DAB1: variants seen among roughly 807,000 people sequenced by gnomAD.
The protein encoded by DAB1 is DAB adaptor protein 1, also known as disabled homolog 1.
A neutral mutation model predicts 64.6 loss-of-function variants in DAB1; 15 were observed. The ratio of observed to expected loss-of-function variants is 0.23; its 90% CI spans 0.16 to 0.36. The LOEUF is 0.36. DAB1 is among the 10% of genes least tolerant of loss of function. The pLI is 1.00. For synonymous variants in DAB1, 235 were observed against 251.9 expected (o/e 0.93, Z 0.64); for missense variants, 596 against 706.7 (o/e 0.84, Z 1.78).
intron 6 of DAB1, among the ~76,000 whole-genome samples, chr1:57,736,787 T>G (rs1647712211): frequency 6.6e-6 from 1 of 152,168 alleles, no homozygotes. Context: ...GCCTTCCTTC[T>G]TTCTTTTCTC....
chr1:57,844,605 G>A (rs1412554467), intron 1 of DAB1, among the ~76,000 whole-genome samples: 1 of 152,172 alleles, frequency 6.6e-6, no homozygotes, highest in Non-Finnish European at 1.5e-5. Context: ...TCCCATATGA[G>A]CTGGTTATTT....
intron 7 of DAB1, among the ~76,000 whole-genome samples, chr1:57,607,262 T>C (rs1314081547): frequency 6.6e-6 from 1 of 152,216 alleles, no homozygotes; most frequent in Non-Finnish European, 1.5e-5. Flanking sequence ...TGGGTCATAG[T>C]CCAAAAGGTT....
chr1:58,488,883 T>C (rs1645624109), intron 3 of DAB1, among the ~76,000 whole-genome samples: 1 of 152,264 alleles, frequency 6.6e-6, no homozygotes, highest in Non-Finnish European at 1.5e-5. Context: ...AACATTTTTA[T>C]ATTATGTACA....
intron 1 of DAB1, among the ~76,000 whole-genome samples, chr1:57,336,966 C>T (rs941126992): frequency 6.6e-6 from 1 of 152,216 alleles, no homozygotes; most frequent in Non-Finnish European, 1.5e-5. Context: ...CCCTCCCCAA[C>T]ATCAGCTCCT....
At chr1:58,031,147 T>C (rs1419964788) in intron 5 of DAB1, among the ~76,000 whole-genome samples, 1 of 152,144 alleles carries the variant, frequency 6.6e-6, no homozygotes, top group Admixed American at 6.5e-5. Flanking sequence ...GCTAATGACA[T>C]GAGCTAAGTC....
intron 3 of DAB1, among the ~76,000 whole-genome samples, chr1:58,402,358 G>C (rs1446180007): frequency 6.6e-6 from 1 of 152,158 alleles, no homozygotes; most frequent in Non-Finnish European, 1.5e-5. Context: ...CGTGTAACTA[G>C]CAGGGTAACA....
chr1:57,636,993 G>T (rs1377140265), intron 7 of DAB1, among the ~76,000 whole-genome samples: 1 of 152,170 alleles, frequency 6.6e-6, no homozygotes, highest in African/African-American at 2.4e-5. Context: ...TTACATATTT[G>T]TAAAGCTGTA....
chr1:57,385,612 T>G (rs564180617), intron 1 of DAB1, among the ~76,000 whole-genome samples: 1 of 152,258 alleles, frequency 6.6e-6, no homozygotes, highest in South Asian at 2.1e-4. Flanking sequence ...TCTCAGGAAG[T>G]GCAGAGTCCA....
upstream of DAB1, among the ~76,000 whole-genome samples, chr1:57,424,887 G>T (rs921729301): frequency 1.1e-4 from 17 of 152,142 alleles, no homozygotes; most frequent in African/African-American, 4.1e-4. Context: ...TACTCCCCGC[G>T]ACTCCCCTAC....
At chr1:58,373,471 C>T (rs1644290163) in intron 3 of DAB1, among the ~76,000 whole-genome samples, 1 of 151,306 alleles carries the variant, frequency 6.6e-6, no homozygotes, top group South Asian at 2.1e-4. Flanking sequence ...TGGTTTCCAA[C>T]TTCATCCATG....
intron 9 of DAB1, among the ~76,000 whole-genome samples, chr1:57,037,158 T>A (rs988719859): frequency 6.6e-6 from 1 of 152,202 alleles, no homozygotes; most frequent in African/African-American, 2.4e-5. Flanking sequence ...GCTATGCTAA[T>A]GTGCAGCCGG....
rs529624934 is a variant in DAB1 at position 58,198,516 on chromosome 1, C to G, written n.310-47928G>C. On this transcript the variant is annotated intron_variant and non_coding_transcript_variant, in intron 4 of 20. Transcript: ENST00000485760. ...TGGGACTTGGGCTCACAAAAAAGGT[C>G]ATTACATATTGGCTGTCCAATGTCC... Among the ~76,000 whole-genome samples the G allele has an allele frequency of 3.3e-5, 5 of 152,328 alleles. No homozygotes were observed. The East Asian group carries it at 9.6e-4, about 29-fold the overall frequency.
chr1:58,359,631 A>G (rs1331440891), intron 3 of DAB1, among the ~76,000 whole-genome samples: 2 of 152,236 alleles, frequency 1.3e-5, no homozygotes, highest in Admixed American at 6.5e-5. Flanking sequence ...TTCAGTAATC[A>G]ACACATGTTG....
At chr1:58,062,981 T>TATTC (rs1458908379) in intron 5 of DAB1, among the ~76,000 whole-genome samples, 18 of 152,340 alleles carry the variant, frequency 1.2e-4, no homozygotes, top group African/African-American at 4.1e-4. Flanking sequence ...CCAACTTATT[T>TATTC]ATTCATTCAT....
chr1:58,233,520 T>A (rs1659881739), intron 4 of DAB1, among the ~76,000 whole-genome samples: 1 of 152,212 alleles, frequency 6.6e-6, no homozygotes, highest in African/African-American at 2.4e-5. Flanking sequence ...TGAGGACTGC[T>A]GCTGTTACCA....
At position 57,284,558 on chromosome 1, in the gene DAB1, G is replaced by A. The variant is rs1672163466; in HGVS notation, c.67+6406C>T. Among the ~76,000 whole-genome samples, 3 of 152,028 alleles carry A rather than the reference G, an allele frequency of 2.0e-5. No individual in the cohort carries two copies. In the South Asian group the frequency reaches 6.2e-4, roughly 32 times the overall value. ...GAAGTTAGACCATGAGAGAGTGGGG[G>A]GCTTAAAGTATGAACCCAAATACCC... On this transcript the variant is annotated intron_variant, in intron 2 of 14. Coordinates refer to ENST00000371236, the MANE Select transcript of DAB1 (RefSeq NM_001365792.1).
chr1:58,246,523 G>C lies in DAB1; in HGVS notation n.310-95935C>G, dbSNP rs117638446. On this transcript the variant is annotated intron_variant and non_coding_transcript_variant, in intron 4 of 20. Coordinates refer to the DAB1 transcript ENST00000485760. ...GGGAGTGAAAGTAGCACCTGCAAAG[G>C]TATGAAAAGCATATGTGATATGTAT... Among the ~76,000 whole-genome samples, 60 of 152,318 alleles carry C rather than the reference G, an allele frequency of 3.9e-4. 1 individual carries two copies. In the East Asian group the frequency reaches 0.011, roughly 27 times the overall value.
At chr1:57,068,771 G>A (rs569326182) in intron 8 of DAB1, among the ~76,000 whole-genome samples, 28 of 152,228 alleles carry the variant, frequency 1.8e-4, no homozygotes, top group African/African-American at 6.0e-4. Context: ...GTACAACCCC[G>A]AGAAAGCTAC....
At chr1:58,129,800 G>A (rs1411107589) in intron 5 of DAB1, among the ~76,000 whole-genome samples, 2 of 152,050 alleles carry the variant, frequency 1.3e-5, no homozygotes, top group Non-Finnish European at 2.9e-5. Flanking sequence ...AGTTCTGTTT[G>A]ATCGCACTGT....
Sources: allele counts gnomAD v4.1 joint callset (sites outside exome capture counted in the v4.1 genomes callset), GRCh38; gene constraint gnomAD v4.1.1; transcripts MANE v1.5; gene names NCBI Gene and HGNC (gene_info 2026-07-23, HGNC 2026-07-21).